GCKR: variants seen among roughly 807,000 people sequenced by gnomAD.
The protein encoded by GCKR is glucokinase regulator, also known as glucokinase regulatory protein.
GCKR carries 73 observed loss-of-function variants against 82.9 expected under a neutral mutation model. The ratio of observed to expected loss-of-function variants is 0.88; its 90% confidence interval spans 0.73 to 1.07. The LOEUF (loss-of-function observed/expected upper bound fraction) is 1.07. Ranked by LOEUF, GCKR falls within the 50% of genes least tolerant of loss-of-function variation. The probability of loss-of-function intolerance (pLI) is 0.00; values close to 1 mark genes in which losing one functional copy is unlikely to be tolerated. For missense variants in GCKR, 784 were observed against 782.1 expected (o/e 1.00, Z -0.03); for synonymous variants, 294 against 291.8 (o/e 1.01, Z -0.08).
At position 27,520,018 on chromosome 2, in the gene GCKR, A is replaced by G. The variant is rs8179241; in HGVS notation, c.1572+1081A>G. Among the ~76,000 whole-genome samples, 842 of 152,230 alleles carry G rather than the reference A, an allele frequency of 5.5e-3. 5 individuals are homozygous for G. The highest frequency in any genetic ancestry group is 0.01 in the Non-Finnish European group (684 of 68,036). ...CGCCAGATTCGGCAAATAAAAATAC[A>G]GGACGCCCAGTTAAATTTGAATTTC... is the stretch of plus-strand genomic sequence containing the variant. On this transcript the variant is annotated intron_variant, in intron 17 of 18. Coordinates refer to ENST00000264717, the MANE Select transcript of GCKR (RefSeq NM_001486.4).
chr2:27,517,763 T>G (rs1195661426), intron 16 of GCKR, among the ~76,000 whole-genome samples: 1 of 152,210 alleles, frequency 6.6e-6, no homozygotes, highest in Non-Finnish European at 1.5e-5. Context: ...AGGGGCAGTT[T>G]TATACTCGCG....
At position 27,523,444 on chromosome 2, in the gene GCKR, A is replaced by C; in HGVS notation, c.*5A>C. On this transcript the variant is annotated 3_prime_UTR_variant, in exon 19 of 19. Transcript: ENST00000264717. The stretch of plus-strand genomic sequence containing the variant: ...CTAGAGCCTGACGTTCAGTGAACCC[A>C]TGTTTCTGGGTGGGTGAAAGGGGCC... 6.2e-7 allele frequency: 1 copy of C among 1,604,000 alleles called. No homozygotes were observed. The highest frequency in any genetic ancestry group is 2.2e-5 in the East Asian group (1 of 44,848).
In GCKR at chr2:27,507,031, T is replaced by C. The variant is rs1026490821; in HGVS notation, c.1066+146T>C. 20 of 782,830 alleles carry C rather than the reference T, an allele frequency of 2.6e-5. No homozygotes were observed. In the African/African-American group the frequency reaches 3.4e-4, roughly 13 times the overall value. 48.5% of individuals were successfully genotyped at this position (782,830 alleles called of 1,614,324 possible). A position where few individuals can be genotyped will look rare whatever the true frequency, so the allele number is the denominator to read the frequency against. On this transcript the variant is annotated intron_variant, in intron 12 of 18. Transcript: ENST00000264717. ...TAAATAGGCACTTCAGTCAAATTCTTCTTCCTTAGAACCCCAACTCAGTCC... is the reference window on the plus strand; with the variant it reads ...TAAATAGGCACTTCAGTCAAATTCTCCTTCCTTAGAACCCCAACTCAGTCC...
intron 7 of GCKR, among the ~76,000 whole-genome samples, chr2:27,500,029 T>G (rs1669537911): frequency 6.6e-6 from 1 of 152,186 alleles, no homozygotes; most frequent in South Asian, 2.1e-4. Context: ...CTCAAAGTGC[T>G]GGGATTACAG....
At chr2:27,516,357 C>G (rs1330310190) in intron 16 of GCKR, among the ~76,000 whole-genome samples, 2 of 117,798 alleles carry the variant, frequency 1.7e-5, no homozygotes, top group Non-Finnish European at 3.2e-5. Flanking sequence ...ATGGTATGAT[C>G]TCGGCTCACT....
chr2:27,513,016 A>C (rs1669927139), intron 16 of GCKR, among the ~76,000 whole-genome samples: 1 of 152,150 alleles, frequency 6.6e-6, no homozygotes, highest in Non-Finnish European at 1.5e-5. Context: ...ACCTGATGTC[A>C]GTTTGCCCCT....
At position 27,513,909 on chromosome 2, in the gene GCKR, TTGTGTGTGTGTG is replaced by T. The variant is rs57848910; in HGVS notation, c.1423-4851_1423-4840del. 5.2e-3 allele frequency among the ~76,000 whole-genome samples: 751 copies of T among 144,758 alleles called. 6 individuals are homozygous for T. Among genetic ancestry groups the T allele is most frequent in the African/African-American group, 0.018 (695 of 39,450 alleles). The allele number at this position is 144,758 out of a possible 152,430, so 95.0% of individuals were successfully genotyped here. ...CCTCATTATTACTTATTATTTGCATTTGTGTGTGTGTGTGTGTGTGTGTGTGTGTGTGTGTGT... is the reference window on the plus strand; with the variant it reads ...CCTCATTATTACTTATTATTTGCATTTGTGTGTGTGTGTGTGTGTGTGTGT... On this transcript the variant is annotated intron_variant, in intron 16 of 18. Transcript: ENST00000264717.
chr2:27,501,057 G>A (rs2148580465), intron 7 of GCKR, 78 bp from the exon 8 acceptor site: 1 of 966,512 alleles, frequency 1.0e-6, no homozygotes, highest in South Asian at 1.3e-5. Context: ...ATTCTGAAGG[G>A]TTCTGATGCA....
In GCKR at chr2:27,522,512, T is replaced by A. The variant is rs891979031; in HGVS notation, c.1625T>A (p.Ile542Asn). The A allele has an allele frequency of 3.1e-6, 5 of 1,613,890 alleles. No individual in the cohort carries two copies. The Admixed American group carries it at 8.3e-5, about 27-fold the overall frequency. Reference protein sequence around the residue: ...ARCIESLLRAIHFPQPLSDDI... With the variant: ...ARCIESLLRANHFPQPLSDDI... ...TGCATCGAGAGCCTCCTCCGAGCGA[T>A]CCACTTTCCCCAGCCACTGTCAGAT... is the stretch of plus-strand genomic sequence containing the variant. The change falls in exon 18 of 19, where the codon ATC becomes AAC. Residue 542 changes from isoleucine (I) to asparagine (N), a missense_variant. Coordinates refer to ENST00000264717, the MANE Select transcript of GCKR (RefSeq NM_001486.4).
rs190385389 is a variant in GCKR, at chr2:27,505,224, A to G, written c.751-494A>G. The stretch of plus-strand genomic sequence containing the variant: ...ATCCTGGCTAACACGGTGAAACCCC[A>G]TCTCTACTAAAGATACAAAAAATTA... On this transcript the variant is annotated intron_variant, in intron 9 of 18. Transcript: ENST00000264717. Among the ~76,000 whole-genome samples, 1,349 of 143,554 alleles carry G rather than the reference A, an allele frequency of 9.4e-3. 9 individuals carry two copies. The highest frequency in any genetic ancestry group is 0.014 in the Non-Finnish European group (908 of 66,238). 94.2% of individuals were successfully genotyped at this position (143,554 alleles called of 152,430 possible).
chr2:27,508,307 C>T (rs1669801577), intron 16 of GCKR, 56 bp downstream of exon 16: 4 of 1,172,676 alleles, frequency 3.4e-6, no homozygotes, highest in African/African-American at 1.5e-5. Context: ...GTGAGGGATT[C>T]CAAGAATCAA....
intron 16 of GCKR, among the ~76,000 whole-genome samples, chr2:27,512,297 G>A (rs922345994): frequency 6.7e-6 from 1 of 150,270 alleles, no homozygotes; most frequent in Non-Finnish European, 1.5e-5. Context: ...CAGTACTTTG[G>A]GAGGCTGAGG....
Position 27,497,290 on chromosome 2 carries a change from C to T in GCKR, c.107C>T (p.Pro36Leu), listed in dbSNP as rs769209491. 11 of 1,614,010 alleles carry T rather than the reference C, an allele frequency of 6.8e-6. No individual in the cohort carries two copies. The highest frequency in any genetic ancestry group is 9.3e-6 in the Non-Finnish European group (11 of 1,179,976). ...GTGCCAATCACGGAGAAGTCAAACC[C>T]ACTGACCCAGGATCTAGACAAAGCA... ...AAVPITEKSNPLTQDLDKADA... is the reference protein window; with the variant it reads ...AAVPITEKSNLLTQDLDKADA... The change falls in exon 2 of 19, where the codon CCA (proline) becomes CTA (leucine). Residue 36 changes from proline (P) to leucine (L), a missense_variant. Pro to Leu is a moderately conservative substitution (Grantham distance 98, BLOSUM62 -3). Coordinates refer to ENST00000264717, the MANE Select transcript of GCKR (RefSeq NM_001486.4).
intron 10 of GCKR, 126 bp downstream of exon 10, chr2:27,505,962 C>T: frequency 5.3e-6 from 4 of 750,670 alleles, no homozygotes; most frequent in Non-Finnish European, 9.8e-6. Flanking sequence ...ACCACGCCTC[C>T]CCTGGGAAGG....
At position 27,499,415 on chromosome 2, in the gene GCKR, A is replaced by G; in HGVS notation, c.514A>G (p.Arg172Gly). The part of the protein sequence containing the change: ...ELKKVAAGKK[R>G]VIVIGISVGL... ...CTCCTAGGTGGCTGCCGGGAAGAAG[A>G]GAGTGATTGTCATTGGCATTTCTGT... The change falls in exon 7 of 19, where the codon AGA (arginine) becomes GGA (glycine). Residue 172 changes from arginine to glycine, a missense_variant. Physicochemically the swap from Arg to Gly is moderately radical, Grantham distance 125. Transcript: ENST00000264717. 2 of 1,612,780 alleles carry G rather than the reference A, an allele frequency of 1.2e-6. No individual in the cohort carries two copies. Among genetic ancestry groups the G allele is most frequent in the Non-Finnish European group, 1.7e-6 (2 of 1,178,768 alleles).
intron 8 of GCKR, among the ~76,000 whole-genome samples, chr2:27,502,448 C>T (rs918704388): frequency 2.6e-5 from 4 of 152,236 alleles, no homozygotes; most frequent in Admixed American, 6.5e-5. Context: ...TTTTGGGCTC[C>T]ACTCCAGAAC....
At chr2:27,510,897 T>C (rs890053742) in intron 16 of GCKR, among the ~76,000 whole-genome samples, 1 of 152,122 alleles carries the variant, frequency 6.6e-6, no homozygotes, top group Non-Finnish European at 1.5e-5. Context: ...TTCTATATTT[T>C]TCCCAGCTTA....
In GCKR at chr2:27,506,964, TC is replaced by T. The variant is rs556980179; in HGVS notation, c.1066+82del. 233 of 937,988 alleles carry T rather than the reference TC, an allele frequency of 2.5e-4. No individual in the cohort carries two copies. The African/African-American group carries it at 3.5e-3, about 14-fold the overall frequency. 58.1% of individuals were successfully genotyped at this position (937,988 alleles called of 1,614,324 possible). On this transcript the variant is annotated intron_variant, in intron 12 of 18. Transcript: ENST00000264717. ...GGCTGCTCTCCAAACACTGTCCTAC[TC>T]CCAACCCATGGGTGTTCCTCAGTGT... is the stretch of plus-strand genomic sequence containing the variant.
chr2:27,508,947 A>C (rs987416518), intron 16 of GCKR, among the ~76,000 whole-genome samples: 1 of 151,904 alleles, frequency 6.6e-6, no homozygotes, highest in African/African-American at 2.4e-5. Flanking sequence ...CTGCTTGCCA[A>C]TGAATTATAA....
Sources: gnomAD v4.1 joint callset for allele counts (sites outside exome capture counted in the v4.1 genomes callset) on GRCh38, gnomAD v4.1.1 for gene constraint, MANE v1.5 for transcripts, NCBI Gene and HGNC (gene_info 2026-07-23, HGNC 2026-07-21) for gene names.